TMOD1: variants seen among roughly 807,000 people sequenced by gnomAD.
The protein encoded by TMOD1 is tropomodulin 1, also known as tropomodulin-1.
A neutral mutation model predicts 40.6 loss-of-function variants in TMOD1; 17 were observed. The ratio of observed to expected loss-of-function variants is 0.42; its 90% CI spans 0.29 to 0.63. The LOEUF is 0.63. TMOD1 is among the 20% of genes least tolerant of loss of function. TMOD1 has a pLI of 0.22. For synonymous variants in TMOD1, 181 were observed against 175.0 expected (o/e 1.03, Z -0.27); for missense variants, 391 against 447.6 (o/e 0.87, Z 1.14).
At chr9:97,555,597 T>C in intron 4 of TMOD1, 1 of 1,549,556 alleles carries the variant, frequency 6.5e-7, no homozygotes, top group Non-Finnish European at 8.7e-7. Context: ...ACACCAGTGT[T>C]AACTGGCTAA....
chr9:97,546,162 C>A, intron 2 of TMOD1, 23 bp from the exon 3 acceptor site: 2 of 1,587,536 alleles, frequency 1.3e-6, no homozygotes, highest in South Asian at 1.1e-5. Flanking sequence ...CTCTCTCCTG[C>A]CCCCCCACAA....
chr9:97,567,572 G>T lies in TMOD1; in HGVS notation c.727-1322G>T, dbSNP rs565296962. On this transcript the variant is annotated intron_variant, in intron 7 of 9. Transcript: ENST00000259365. ...TCCAGTTGGATCAGCCTAGCAGGTT[G>T]CCTACTGGTTGTTATTTTGATTTTT... Among the ~76,000 whole-genome samples the T allele has an allele frequency of 6.6e-5, 10 of 152,354 alleles. No homozygotes were observed. The East Asian group carries it at 1.7e-3, about 26-fold the overall frequency.
At chr9:97,517,911 C>G (rs1829841834) in intron 1 of TMOD1, 1 of 152,442 alleles carries the variant, frequency 6.6e-6, no homozygotes, top group African/African-American at 2.4e-5. Flanking sequence ...CCGTACCATC[C>G]AGGCTTGAGG....
chr9:97,557,066 A>G lies in TMOD1; in HGVS notation c.397+3666A>G, dbSNP rs1269320837. Among the ~76,000 whole-genome samples, 2 of 152,198 alleles carry G rather than the reference A, an allele frequency of 1.3e-5. No individual in the cohort carries two copies. The highest frequency in any genetic ancestry group is 3.8e-4 in the East Asian group (2 of 5,204). ...AGCCAGTGCACATTATTGAACTCCTACTGTATACTAGGATGAACAGGAGCC... is the reference window on the plus strand; with the variant it reads ...AGCCAGTGCACATTATTGAACTCCTGCTGTATACTAGGATGAACAGGAGCC... On this transcript the variant is annotated intron_variant, in intron 4 of 9. Coordinates refer to ENST00000259365, the MANE Select transcript of TMOD1 (RefSeq NM_003275.4). This position sits in a 1 kb window ranked among gnomAD's most constrained non-coding sequence, Gnocchi z 4.4.
At position 97,601,707 on chromosome 9, in the gene TMOD1, T is replaced by C. The variant is rs1000242650; in HGVS notation, c.*2009T>C. On this transcript the variant is annotated 3_prime_UTR_variant, in exon 10 of 10. Coordinates refer to ENST00000259365, the MANE Select transcript of TMOD1 (RefSeq NM_003275.4). ...CATAGATCATGTGTAAAGGAATGGGTGTGGCTGTTCAATAAACTATACAGT... is the reference window on the plus strand; with the variant it reads ...CATAGATCATGTGTAAAGGAATGGGCGTGGCTGTTCAATAAACTATACAGT... 1 of 413,266 alleles carries C rather than the reference T, an allele frequency of 2.4e-6. No homozygotes were observed. Among genetic ancestry groups the C allele is most frequent in the African/African-American group, 2.1e-5 (1 of 46,572 alleles). 25.6% of individuals were successfully genotyped at this position (413,266 alleles called of 1,614,324 possible). A position where few individuals can be genotyped will look rare whatever the true frequency, so the allele number is the denominator to read the frequency against.
chr9:97,554,904 C>T (rs1200974865), intron 4 of TMOD1, among the ~76,000 whole-genome samples: 1 of 152,184 alleles, frequency 6.6e-6, no homozygotes, highest in African/African-American at 2.4e-5. Context: ...ACAAGGGGCA[C>T]TCTGGGTGGT....
intron 3 of TMOD1, among the ~76,000 whole-genome samples, chr9:97,548,968 ACAGT>A (rs1830409173): frequency 6.6e-6 from 1 of 152,136 alleles, no homozygotes. Flanking sequence ...CACCAGGCCT[ACAGT>A]CAGCTTGGGC....
At chr9:97,511,026 T>C (rs1442135289) in intron 1 of TMOD1, among the ~76,000 whole-genome samples, 2 of 151,924 alleles carry the variant, frequency 1.3e-5, no homozygotes, top group East Asian at 1.9e-4. Flanking sequence ...TCAGACACCA[T>C]GATGACCCCA....
chr9:97,559,729 C>G (rs1348350115), intron 4 of TMOD1, among the ~76,000 whole-genome samples: 1 of 143,432 alleles, frequency 7.0e-6, no homozygotes, highest in Non-Finnish European at 1.5e-5. Context: ...CATGCCATTG[C>G]ACTCCAGCCT....
At position 97,600,060 on chromosome 9, in the gene TMOD1, A is replaced by T; in HGVS notation, c.*362A>T. 2.8e-6 allele frequency: 3 copies of T among 1,056,970 alleles called. No homozygotes were observed. The highest frequency in any genetic ancestry group is 3.4e-6 in the Non-Finnish European group (3 of 871,168). 65.5% of individuals were successfully genotyped at this position (1,056,970 alleles called of 1,614,324 possible). ...AGTGCATTTAAAATGTGTGACACAG[A>T]AACGGCACACTCTTCCACATGCTTT... On this transcript the variant is annotated 3_prime_UTR_variant, in exon 10 of 10. Transcript: ENST00000259365.
chr9:97,583,787 G>A (rs879409813), intron 8 of TMOD1, among the ~76,000 whole-genome samples: 938 of 142,084 alleles, frequency 6.6e-3, no homozygotes, highest in African/African-American at 8.0e-3. Context: ...GTTTATTTGC[G>A]TAGAGGTGTT....
At chr9:97,587,575 T>C (rs1462076296) in intron 8 of TMOD1, among the ~76,000 whole-genome samples, 1 of 150,402 alleles carries the variant, frequency 6.6e-6, no homozygotes. Context: ...TTGTTTTTTT[T>C]TTACTGTGGA....
intron 8 of TMOD1, among the ~76,000 whole-genome samples, chr9:97,586,809 A>C (rs1825884975): frequency 6.6e-6 from 1 of 152,158 alleles, no homozygotes; most frequent in East Asian, 1.9e-4. Context: ...TCAGAAAGGG[A>C]ACTCCCTGAC....
intron 1 of TMOD1, among the ~76,000 whole-genome samples, chr9:97,507,403 C>T (rs1829606676): frequency 6.6e-6 from 1 of 152,112 alleles, no homozygotes; most frequent in African/African-American, 2.4e-5. Context: ...CATTGTATTC[C>T]ACTTACAGCA....
chr9:97,526,141 G>A (rs1035402879), intron 2 of TMOD1, among the ~76,000 whole-genome samples: 16 of 152,318 alleles, frequency 1.1e-4, no homozygotes, highest in African/African-American at 2.4e-4. Flanking sequence ...TCAAAAGGCC[G>A]TTACCCCGTT....
intron 8 of TMOD1, among the ~76,000 whole-genome samples, chr9:97,586,317 GGGGGTCA>G (rs1180641663): frequency 6.6e-6 from 1 of 152,134 alleles, no homozygotes; most frequent in Non-Finnish European, 1.5e-5. Context: ...TAGGCTGCCC[GGGGGTCA>G]GGGGTCAGGG....
intron 1 of TMOD1, among the ~76,000 whole-genome samples, chr9:97,518,603 G>A (rs955654748): frequency 7.2e-5 from 11 of 152,316 alleles, no homozygotes; most frequent in South Asian, 2.1e-4. Flanking sequence ...CAATCAATTG[G>A]CTACCCTTGA....
chr9:97,553,973 A>G (rs1336834535), intron 4 of TMOD1, among the ~76,000 whole-genome samples: 1 of 151,000 alleles, frequency 6.6e-6, no homozygotes, highest in Middle Eastern at 3.2e-3. Flanking sequence ...CCTTTGCCCC[A>G]CTCCCTGCCT....
chr9:97,555,703 A>C, intron 4 of TMOD1: 1 of 1,548,394 alleles, frequency 6.5e-7, no homozygotes, highest in Non-Finnish European at 8.7e-7. Flanking sequence ...ACCATGTCCC[A>C]GGTTCTATGT....
Sources: allele counts gnomAD v4.1 joint callset (sites outside exome capture counted in the v4.1 genomes callset), GRCh38; gene constraint gnomAD v4.1.1; non-coding constraint Gnocchi (gnomAD v3.1); transcripts MANE v1.5; gene names NCBI Gene and HGNC (gene_info 2026-07-23, HGNC 2026-07-21).